Variants in NALCN observed in about 807,000 individuals in gnomAD.
NALCN encodes the protein sodium leak channel NALCN.
A neutral mutation model predicts 225.3 loss-of-function variants in NALCN; 111 were observed. That is an observed-to-expected ratio of 0.49 (90% CI 0.42 to 0.58). The LOEUF (loss-of-function observed/expected upper bound fraction) is 0.58, where lower values mean the gene tolerates loss of function less well. Among genes scored for constraint, NALCN ranks in the 20% least tolerant of loss-of-function variants. The pLI, the probability that NALCN is intolerant of heterozygous loss-of-function variation, is 0.00. For missense variants in NALCN, 1,378 were observed against 2,202.4 expected (o/e 0.63, Z 7.49); for synonymous variants, 764 against 769.0 (o/e 0.99, Z 0.11).
intron 28 of NALCN, among the ~76,000 whole-genome samples, chr13:101,091,266 T>C (rs143511310): frequency 0.011 from 1,609 of 152,280 alleles, 33 homozygotes; most frequent in African/African-American, 0.036. Context: ...ATTTAAATTA[T>C]ATTTTGATCA....
chr13:101,083,311 C>G (rs2033758270), intron 31 of NALCN, 113 bp from the exon 32 acceptor site: 2 of 888,062 alleles, frequency 2.3e-6, no homozygotes, highest in Non-Finnish European at 3.5e-6. Flanking sequence ...TCTCCCCAAA[C>G]AGTTCCGTCT....
chr13:101,155,412 G>A (rs1426767996), intron 15 of NALCN, among the ~76,000 whole-genome samples: 1 of 152,124 alleles, frequency 6.6e-6, no homozygotes, highest in Non-Finnish European at 1.5e-5. Flanking sequence ...TGACTTTGAT[G>A]GTTTCGAGGA....
intron 7 of NALCN, among the ~76,000 whole-genome samples, chr13:101,325,361 G>A (rs1432918171): frequency 1.3e-5 from 2 of 152,070 alleles, no homozygotes; most frequent in Admixed American, 1.3e-4. Context: ...TTGGCAATTT[G>A]CAATGTGGGC....
chr13:101,216,294 A>C (rs2040728563), intron 13 of NALCN, among the ~76,000 whole-genome samples: 1 of 152,138 alleles, frequency 6.6e-6, no homozygotes, highest in Non-Finnish European at 1.5e-5. Context: ...ATATAAGGCA[A>C]GTTTAAATTA....
chr13:101,203,497 G>A (rs1232869574), intron 13 of NALCN, among the ~76,000 whole-genome samples: 9 of 152,174 alleles, frequency 5.9e-5, no homozygotes, highest in Non-Finnish European at 1.0e-4. Context: ...GATTACAGGT[G>A]TGAGCCACTG....
chr13:101,370,394 A>C (rs1301871469), intron 6 of NALCN, among the ~76,000 whole-genome samples: 2 of 152,244 alleles, frequency 1.3e-5, no homozygotes, highest in Non-Finnish European at 2.9e-5. Flanking sequence ...GAACAGAAGG[A>C]ACATGAGTTG....
chr13:101,224,248 C>A (rs538855232), intron 13 of NALCN, among the ~76,000 whole-genome samples: 1 of 152,242 alleles, frequency 6.6e-6, no homozygotes, highest in South Asian at 2.1e-4. Context: ...ATGTCTCTTT[C>A]TCTCCCAAAC....
chr13:101,100,168 TGA>T (rs1247016735), intron 27 of NALCN, among the ~76,000 whole-genome samples: 2 of 152,138 alleles, frequency 1.3e-5, no homozygotes, highest in African/African-American at 2.4e-5. Context: ...GGGAGAAAGC[TGA>T]GAGTGGGGAA....
At chr13:101,128,385 C>G (rs562333342) in intron 17 of NALCN, among the ~76,000 whole-genome samples, 1 of 152,306 alleles carries the variant, frequency 6.6e-6, no homozygotes, top group Non-Finnish European at 1.5e-5. Flanking sequence ...AGCTTCAACT[C>G]AATTCCCATA....
chr13:101,234,601 A>G (rs35689453), intron 12 of NALCN, among the ~76,000 whole-genome samples: 35,927 of 152,082 alleles, frequency 0.24, 4,524 homozygotes, highest in East Asian at 0.36. Flanking sequence ...TGTGACACCT[A>G]AGTTTCTCAA....
At chr13:101,273,675 G>A (rs1035061544) in intron 10 of NALCN, among the ~76,000 whole-genome samples, 7 of 151,970 alleles carry the variant, frequency 4.6e-5, no homozygotes, top group African/African-American at 1.7e-4. Context: ...TCTACAGTCA[G>A]GAGATCGAGA....
chr13:101,376,187 T>C (rs889949110), intron 6 of NALCN, among the ~76,000 whole-genome samples: 9 of 152,148 alleles, frequency 5.9e-5, no homozygotes, highest in African/African-American at 1.7e-4. Context: ...CATTCTAATA[T>C]GAAAAGCTTC....
At chr13:101,196,552 C>A (rs2039897549) in intron 13 of NALCN, among the ~76,000 whole-genome samples, 3 of 152,108 alleles carry the variant, frequency 2.0e-5, no homozygotes, top group Admixed American at 2.0e-4. Context: ...TATCTCATCC[C>A]ACTCATTAGC....
At chr13:101,083,301 T>C (rs1257473334) in intron 31 of NALCN, 103 bp from the exon 32 acceptor site, 6 of 993,610 alleles carry the variant, frequency 6.0e-6, no homozygotes, top group Non-Finnish European at 9.0e-6. Flanking sequence ...ATTACATTTT[T>C]CTCCCCAAAC....
chr13:101,275,656 T>C (rs1401908596), intron 10 of NALCN, among the ~76,000 whole-genome samples: 1 of 151,970 alleles, frequency 6.6e-6, no homozygotes, highest in Non-Finnish European at 1.5e-5. Flanking sequence ...AGGAGATCTG[T>C]AGCTGGGGAG....
intron 6 of NALCN, among the ~76,000 whole-genome samples, chr13:101,365,320 A>G (rs2046351779): frequency 6.6e-6 from 1 of 152,076 alleles, no homozygotes; most frequent in Non-Finnish European, 1.5e-5. Flanking sequence ...TTCCTGTGTT[A>G]GTTTGCTTAG....
intron 7 of NALCN, among the ~76,000 whole-genome samples, chr13:101,340,853 T>G (rs1444857216): frequency 6.6e-6 from 1 of 152,210 alleles, no homozygotes; most frequent in African/African-American, 2.4e-5. Flanking sequence ...TAGAAAGAAT[T>G]GATTCCAATA....
intron 13 of NALCN, among the ~76,000 whole-genome samples, chr13:101,202,913 A>G (rs1308420101): frequency 6.6e-6 from 1 of 150,780 alleles, no homozygotes; most frequent in Admixed American, 6.6e-5. Flanking sequence ...AAGCCAGCAG[A>G]TCAGTGAGGT....
In NALCN at chr13:101,377,319, A is replaced by G. The variant is rs193009144; in HGVS notation, c.376-263T>C. 5.0e-3 allele frequency among the ~76,000 whole-genome samples: 762 copies of G among 152,316 alleles called. 2 individuals are homozygous for G. The highest frequency in any genetic ancestry group is 6.0e-3 in the Non-Finnish European group (409 of 68,020). The stretch of plus-strand genomic sequence containing the variant: ...TTCGTTAAGACAGTTTTTAGTTACA[A>G]GAAGTGCCAACTTAGAATATATAGT... On this transcript the variant is annotated intron_variant, in intron 4 of 43. Coordinates refer to ENST00000251127, the MANE Select transcript of NALCN (RefSeq NM_052867.4).
Sources: allele counts gnomAD v4.1 joint callset (sites outside exome capture counted in the v4.1 genomes callset), GRCh38; gene constraint gnomAD v4.1.1; transcripts MANE v1.5; gene names NCBI Gene and HGNC (gene_info 2026-07-23, HGNC 2026-07-21).